Variants in DPCD observed in about 807,000 individuals in gnomAD.
DPCD encodes the protein protein DPCD.
A neutral mutation model predicts 26.4 loss-of-function variants in DPCD; 20 were observed. That is an observed-to-expected ratio of 0.76 (90% CI 0.53 to 1.10). The LOEUF is 1.10. Ranked by LOEUF, DPCD falls within the 50% of genes least tolerant of loss-of-function variation. DPCD has a pLI of 0.00. For missense variants in DPCD, 202 were observed against 253.9 expected, an observed-to-expected ratio of 0.80 and a Z score of 1.39; for synonymous variants, 97 against 94.2, an observed-to-expected ratio of 1.03 and a Z score of -0.17.
intron 4 of DPCD, among the ~76,000 whole-genome samples, chr10:101,606,750 T>C (rs2063735641): frequency 6.6e-6 from 1 of 152,134 alleles, no homozygotes; most frequent in South Asian, 2.1e-4. Context: ...AGTGGGTCTC[T>C]CTCTTGTCCA....
chr10:101,605,017 G>A (rs2063723539), intron 4 of DPCD: 1 of 1,388,686 alleles, frequency 7.2e-7, no homozygotes. Flanking sequence ...CTTTGGTGGG[G>A]CCGAGAGCCT....
intron 4 of DPCD, among the ~76,000 whole-genome samples, chr10:101,604,756 C>T (rs1287955187): frequency 6.6e-6 from 1 of 152,172 alleles, no homozygotes; most frequent in African/African-American, 2.4e-5. Flanking sequence ...AAGGTTTCCT[C>T]ATCTATCAGA....
At chr10:101,604,979 T>C (rs1246283513) in intron 4 of DPCD, among the ~76,000 whole-genome samples, 2 of 152,162 alleles carry the variant, frequency 1.3e-5, no homozygotes, top group Non-Finnish European at 2.9e-5. Flanking sequence ...TAAATAAATT[T>C]AAGAAACTCT....
At chr10:101,601,387 G>A (rs2063697673) in intron 4 of DPCD, 51 bp downstream of exon 4, 1 of 1,605,820 alleles carries the variant, frequency 6.2e-7, no homozygotes, top group African/African-American at 1.3e-5. Context: ...CGGGGTGTAG[G>A]GTGGGGTTTG....
chr10:101,605,005 C>T (rs1036304424), intron 4 of DPCD: 6 of 1,321,328 alleles, frequency 4.5e-6, no homozygotes, highest in Admixed American at 2.8e-5. Context: ...AAACAGGCTT[C>T]TCTTTGGTGG....
intron 2 of DPCD, among the ~76,000 whole-genome samples, chr10:101,596,300 G>A (rs879670611): frequency 2.6e-5 from 4 of 152,116 alleles, no homozygotes; most frequent in Admixed American, 6.5e-5. Flanking sequence ...TATTAATAGC[G>A]TGACTCTTAC....
intron 4 of DPCD, 127 bp downstream of exon 4, chr10:101,601,463 T>TG (rs766075869): frequency 3.1e-6 from 1 of 318,684 alleles, no homozygotes; most frequent in East Asian, 9.9e-5. Context: ...TTACAGGTAT[T>TG]GGAAGGGCTT....
chr10:101,590,582 CTT>C (rs763711189), intron 1 of DPCD, among the ~76,000 whole-genome samples: 75 of 121,440 alleles, frequency 6.2e-4, no homozygotes, highest in Non-Finnish European at 5.4e-4. Context: ...AACGGAAATT[CTT>C]TTTTTTTTTT....
In DPCD at chr10:101,588,385, G is replaced by A. The variant is rs746833813; in HGVS notation, c.49G>A (p.Ala17Thr). The A allele has an allele frequency of 1.3e-6, 2 of 1,597,468 alleles. No individual in the cohort carries two copies. The highest frequency in any genetic ancestry group is 1.7e-5 in the Admixed American group (1 of 58,180). ...LESLRTAQKT[A>T]LLQDGRRKVH... ...GAGTCTGCGGACAGCCCAGAAGACT[G>A]CGCTGCTGCAGGACGGTAACTCGAG... Residue 17 changes from alanine (A) to threonine (T), a missense_variant, in exon 1 of 6, where the codon GCG (alanine) becomes ACG (threonine). Transcript: ENST00000370151.
At chr10:101,604,563 AAAAAAGTGCTT>A (rs2063720825) in intron 4 of DPCD, among the ~76,000 whole-genome samples, 1 of 152,214 alleles carries the variant, frequency 6.6e-6, no homozygotes, top group Non-Finnish European at 1.5e-5. Flanking sequence ...TCAGGGAAGG[AAAAAAGTGCTT>A]TTCCAGGATC....
rs2063755920 is a variant in DPCD, at chr10:101,609,248, T to C, written c.508-119T>C. The stretch of plus-strand genomic sequence containing the variant: ...TGACCTTGAGCAAATCATTCAATCC[T>C]ACAGGCCTCAATTTTCTCGTGCAAA... On this transcript the variant is annotated intron_variant, in intron 5 of 5. Coordinates refer to ENST00000370151, the MANE Select transcript of DPCD (RefSeq NM_015448.3). The C allele has an allele frequency of 3.2e-6, 3 of 938,022 alleles. No individual in the cohort carries two copies. In the South Asian group the frequency reaches 4.8e-5, roughly 15 times the overall value. 58.1% of individuals were successfully genotyped at this position (938,022 alleles called of 1,614,324 possible). A position where few individuals can be genotyped will look rare whatever the true frequency, so the allele number is the denominator to read the frequency against.
intron 2 of DPCD, among the ~76,000 whole-genome samples, chr10:101,596,078 G>A (rs2063649694): frequency 6.6e-6 from 1 of 152,304 alleles, no homozygotes; most frequent in East Asian, 1.9e-4. Context: ...AGGCCTCTTT[G>A]TTGTGCTTGG....
chr10:101,598,799 T>G (rs1421429040), intron 2 of DPCD, among the ~76,000 whole-genome samples: 2 of 152,076 alleles, frequency 1.3e-5, no homozygotes, highest in African/African-American at 4.8e-5. Context: ...TAATGTTTTA[T>G]TTTTAGTAGA....
chr10:101,608,391 G>C (rs879767461), intron 4 of DPCD, among the ~76,000 whole-genome samples: 1 of 152,248 alleles, frequency 6.6e-6, no homozygotes, highest in Non-Finnish European at 1.5e-5. Context: ...AATGGTAACA[G>C]TAGGGCCCCA....
At chr10:101,595,008 GA>G (rs566223514) in intron 2 of DPCD, among the ~76,000 whole-genome samples, 250 of 152,280 alleles carry the variant, frequency 1.6e-3, no homozygotes, top group African/African-American at 5.5e-3. Context: ...AAACAGTTGG[GA>G]AAAAACTTTA....
intron 2 of DPCD, among the ~76,000 whole-genome samples, chr10:101,598,611 C>CTTTTTTTTTTTT (rs71016333): frequency 4.0e-5 from 3 of 74,952 alleles, no homozygotes; most frequent in African/African-American, 5.3e-5. Context: ...TAGATGCTTT[C>CTTTTTTTTTTTT]TTTTTTTTTT....
intron 2 of DPCD, among the ~76,000 whole-genome samples, chr10:101,597,604 A>G (rs1030571796): frequency 2.0e-5 from 3 of 152,168 alleles, no homozygotes; most frequent in African/African-American, 4.8e-5. Flanking sequence ...CCTCCTTTAT[A>G]TATTCCCCAT....
intron 1 of DPCD, among the ~76,000 whole-genome samples, chr10:101,592,581 CATGGT>C (rs906056660): frequency 3.9e-5 from 6 of 151,986 alleles, no homozygotes; most frequent in Non-Finnish European, 8.8e-5. Flanking sequence ...ATTAGCTGGG[CATGGT>C]GGTGTGCAAC....
chr10:101,595,894 CAG>C (rs567306461), intron 2 of DPCD, among the ~76,000 whole-genome samples: 151 of 152,272 alleles, frequency 9.9e-4, no homozygotes, highest in African/African-American at 3.5e-3. Flanking sequence ...GAATGCCTAA[CAG>C]GGGAGAACTT....
Sources: allele counts gnomAD v4.1 joint callset (sites outside exome capture counted in the v4.1 genomes callset), GRCh38; gene constraint gnomAD v4.1.1; transcripts MANE v1.5; gene names NCBI Gene and HGNC (gene_info 2026-07-23, HGNC 2026-07-21).